Variants in LDB2 observed in about 807,000 individuals in gnomAD.
LDB2 encodes LIM domain-binding protein 2.
Under a neutral mutation model 44.3 loss-of-function variants are expected in LDB2, and 12 were observed. The ratio of observed to expected loss-of-function variants is 0.27; its 90% confidence interval spans 0.17 to 0.44. LDB2 has a LOEUF of 0.44. Ranked by LOEUF, LDB2 falls within the 20% of genes least tolerant of loss-of-function variation. LDB2 has a pLI of 1.00. For missense variants in LDB2, 344 were observed against 473.5 expected (o/e 0.73, Z 2.54); for synonymous variants, 164 against 174.8 (o/e 0.94, Z 0.49).
chr4:16,646,070 C>T (rs1211068479), intron 2 of LDB2, among the ~76,000 whole-genome samples: 4 of 152,098 alleles, frequency 2.6e-5, no homozygotes, highest in South Asian at 2.1e-4. Flanking sequence ...TGTTATTCTA[C>T]GAAGTAACCA....
At chr4:16,825,682 T>A (rs2110007263) in intron 1 of LDB2, among the ~76,000 whole-genome samples, 1 of 152,180 alleles carries the variant, frequency 6.6e-6, no homozygotes, top group South Asian at 2.1e-4. Context: ...TGAAATGACA[T>A]CATTTGGCCT....
intron 1 of LDB2, among the ~76,000 whole-genome samples, chr4:16,885,600 A>C (rs1270959201): frequency 6.6e-6 from 1 of 152,094 alleles, no homozygotes; most frequent in East Asian, 1.9e-4. Flanking sequence ...TTAACTTGCT[A>C]TATCCCAACT....
At chr4:16,816,275 T>C (rs1231196199) in intron 1 of LDB2, among the ~76,000 whole-genome samples, 2 of 152,194 alleles carry the variant, frequency 1.3e-5, no homozygotes, top group Non-Finnish European at 2.9e-5. Context: ...TGGATATCCA[T>C]GGTATTAATA....
chr4:16,668,527 G>C (rs1192927197), intron 2 of LDB2, among the ~76,000 whole-genome samples: 2 of 152,138 alleles, frequency 1.3e-5, no homozygotes, highest in Non-Finnish European at 2.9e-5. Context: ...CACATGCCAT[G>C]AAGGCCACTA....
intron 1 of LDB2, among the ~76,000 whole-genome samples, chr4:16,896,558 C>T (rs1477588956): frequency 6.6e-6 from 1 of 152,116 alleles, no homozygotes; most frequent in Non-Finnish European, 1.5e-5. Context: ...GGAGAAGAAT[C>T]TCTGCAATTC....
intron 5 of LDB2, among the ~76,000 whole-genome samples, chr4:16,529,113 C>T (rs1322543939): frequency 2.0e-5 from 3 of 152,110 alleles, no homozygotes; most frequent in African/African-American, 7.2e-5. Context: ...AGTGCCTTAC[C>T]CCCGGCACCA....
At chr4:16,749,201 T>G (rs1459775150) in intron 2 of LDB2, among the ~76,000 whole-genome samples, 1 of 151,164 alleles carries the variant, frequency 6.6e-6, no homozygotes, top group Non-Finnish European at 1.5e-5. Context: ...TCTAGCAATC[T>G]CATGGTCCAA....
chr4:16,541,501 A>G (rs1336598267), intron 5 of LDB2, among the ~76,000 whole-genome samples: 3 of 152,164 alleles, frequency 2.0e-5, no homozygotes, highest in East Asian at 3.9e-4. Flanking sequence ...AGTGTCAGGT[A>G]TTTCTTAATA....
intron 2 of LDB2, among the ~76,000 whole-genome samples, chr4:16,604,949 C>A (rs6836574): frequency 6.6e-6 from 1 of 152,316 alleles, no homozygotes; most frequent in African/African-American, 2.4e-5. Flanking sequence ...GTGAAAGCAG[C>A]GCTCTATTTG....
chr4:16,668,984 G>A (rs1035212078), intron 2 of LDB2, among the ~76,000 whole-genome samples: 3 of 152,182 alleles, frequency 2.0e-5, no homozygotes, highest in African/African-American at 7.2e-5. Context: ...TGGGTCACAT[G>A]CTCATCTCTA....
intron 1 of LDB2, among the ~76,000 whole-genome samples, chr4:16,838,042 C>G (rs551716228): frequency 6.6e-6 from 1 of 152,238 alleles, no homozygotes; most frequent in Non-Finnish European, 1.5e-5. Flanking sequence ...AGAGAAGGTG[C>G]AAAATAAGGC....
chr4:16,589,765 G>A (rs1431388136), intron 3 of LDB2, among the ~76,000 whole-genome samples: 4 of 152,076 alleles, frequency 2.6e-5, no homozygotes, highest in Admixed American at 1.3e-4. Flanking sequence ...TTAATCAGAC[G>A]ATTTCTGCCT....
intron 3 of LDB2, among the ~76,000 whole-genome samples, chr4:16,589,809 T>G (rs1044824441): frequency 6.6e-6 from 1 of 152,186 alleles, no homozygotes; most frequent in African/African-American, 2.4e-5. Flanking sequence ...GGCGGATACT[T>G]TGGCATCAGA....
At chr4:16,613,279 G>A (rs1726187185) in intron 2 of LDB2, among the ~76,000 whole-genome samples, 1 of 152,194 alleles carries the variant, frequency 6.6e-6, no homozygotes, top group Admixed American at 6.5e-5. Context: ...AAAGCTGGAA[G>A]CATTCCCTTT....
intron 5 of LDB2, among the ~76,000 whole-genome samples, chr4:16,544,108 C>A (rs561279666): frequency 1.3e-5 from 2 of 152,254 alleles, no homozygotes; most frequent in South Asian, 4.1e-4. Flanking sequence ...AAATGTTACA[C>A]TTTATGAAGG....
At chr4:16,788,802 G>A (rs910669685) in intron 1 of LDB2, among the ~76,000 whole-genome samples, 2 of 152,192 alleles carry the variant, frequency 1.3e-5, no homozygotes, top group South Asian at 4.1e-4. Flanking sequence ...AACTTTATAA[G>A]ATGGGTGTTA....
intron 2 of LDB2, among the ~76,000 whole-genome samples, chr4:16,655,814 CAT>C (rs1257956157): frequency 6.7e-6 from 1 of 149,618 alleles, no homozygotes; most frequent in Non-Finnish European, 1.5e-5. Context: ...AAAAAAGTCA[CAT>C]GTTTGTGCAA....
At chr4:16,783,662 C>T (rs569005067) in intron 1 of LDB2, among the ~76,000 whole-genome samples, 2 of 152,308 alleles carry the variant, frequency 1.3e-5, no homozygotes, top group East Asian at 3.9e-4. Flanking sequence ...GAAGTAGACT[C>T]TTGTTACATG....
chr4:16,510,792 A>G (rs978305442), intron 6 of LDB2, among the ~76,000 whole-genome samples: 1 of 152,180 alleles, frequency 6.6e-6, no homozygotes, highest in African/African-American at 2.4e-5. Flanking sequence ...TCAGTTTTGT[A>G]ACTCCCAGTG....
Sources: gnomAD v4.1 joint callset for allele counts (sites outside exome capture counted in the v4.1 genomes callset) on GRCh38, gnomAD v4.1.1 for gene constraint, MANE v1.5 for transcripts, NCBI Gene and HGNC (gene_info 2026-07-23, HGNC 2026-07-21) for gene names.